Variants in HMGCLL1 observed in about 807,000 individuals in gnomAD.
HMGCLL1 encodes the protein 3-hydroxy-3-methylglutaryl-CoA lyase like 1.
A neutral mutation model predicts 39.1 loss-of-function variants in HMGCLL1; 36 were observed. That is an observed-to-expected ratio of 0.92 (90% CI 0.71 to 1.22). HMGCLL1 has a LOEUF of 1.22. Among genes scored for constraint, HMGCLL1 ranks in the 50% most tolerant of loss-of-function variants. The pLI, the probability that HMGCLL1 is intolerant of heterozygous loss-of-function variation, is 0.00. For synonymous variants in HMGCLL1, 149 were observed against 144.0 expected (o/e 1.03, Z -0.25); for missense variants, 451 against 416.5 (o/e 1.08, Z -0.72).
At chr6:55,572,474 T>G (rs1002997295) in intron 1 of HMGCLL1, among the ~76,000 whole-genome samples, 3 of 152,210 alleles carry the variant, frequency 2.0e-5, no homozygotes, top group African/African-American at 7.2e-5. Context: ...TTGGACATAA[T>G]ATTACTTTTA....
chr6:55,675,200 CT>C, the HMGCLL1 span, among the ~76,000 whole-genome samples: 2 of 152,018 alleles, frequency 1.3e-5, no homozygotes, highest in African/African-American at 2.4e-5. Flanking sequence ...GCTGAAAATC[CT>C]ATTCACCAGA....
At chr6:55,640,612 T>C in the HMGCLL1 span, among the ~76,000 whole-genome samples, 1 of 151,912 alleles carries the variant, frequency 6.6e-6, no homozygotes, top group East Asian at 1.9e-4. Flanking sequence ...AGAGTGATAT[T>C]TGAGAAAAGA....
chr6:55,604,950 T>A, the HMGCLL1 span, among the ~76,000 whole-genome samples: 1 of 152,228 alleles, frequency 6.6e-6, no homozygotes, highest in South Asian at 2.1e-4. Flanking sequence ...TAGCTGAAGA[T>A]GATATAAGTG....
intron 1 of HMGCLL1, among the ~76,000 whole-genome samples, chr6:55,542,559 C>A (rs1365184469): frequency 2.0e-5 from 3 of 151,812 alleles, no homozygotes; most frequent in African/African-American, 7.2e-5. Context: ...GTGGGAGGAT[C>A]ATGAGGTCAG....
chr6:55,435,639 G>T lies in HMGCLL1; in HGVS notation c.*23C>A, dbSNP rs368717913. ...TGTAGCTGAAATTGATCTTCTCAAC[G>T]GTACGTCATAAATCCATTCAAGTCA... On this transcript the variant is annotated 3_prime_UTR_variant, in exon 9 of 9. Transcript: ENST00000274901. 7.4e-7 allele frequency: 1 copy of T among 1,351,074 alleles called. No individual in the cohort carries two copies. 83.7% of individuals were successfully genotyped at this position (1,351,074 alleles called of 1,614,324 possible).
At chr6:55,525,032 TA>T (rs1768245113) in intron 3 of HMGCLL1, among the ~76,000 whole-genome samples, 1 of 150,750 alleles carries the variant, frequency 6.6e-6, no homozygotes, top group African/African-American at 2.4e-5. Flanking sequence ...TCAAACAGAG[TA>T]AAAATTGAGG....
At chr6:55,536,105 A>G (rs1469129971) in intron 3 of HMGCLL1, among the ~76,000 whole-genome samples, 5 of 152,176 alleles carry the variant, frequency 3.3e-5, no homozygotes, top group East Asian at 1.9e-4. Flanking sequence ...CCAAAAGGAG[A>G]GTAGGGGTAA....
At chr6:55,650,367 C>T in the HMGCLL1 span, among the ~76,000 whole-genome samples, 1 of 151,584 alleles carries the variant, frequency 6.6e-6, no homozygotes, top group African/African-American at 2.4e-5. Context: ...GTCCCCAAGC[C>T]TAACACTGTG....
chr6:55,662,721 T>C, the HMGCLL1 span, among the ~76,000 whole-genome samples: 1 of 151,876 alleles, frequency 6.6e-6, no homozygotes, highest in Admixed American at 6.6e-5. Flanking sequence ...GAGTCCCTCC[T>C]CCTCAGTTTT....
chr6:55,448,533 T>C (rs1252674720), intron 7 of HMGCLL1, among the ~76,000 whole-genome samples: 3 of 152,074 alleles, frequency 2.0e-5, no homozygotes, highest in Non-Finnish European at 4.4e-5. Flanking sequence ...AAGGTCTATC[T>C]ACTTTTTTTC....
At chr6:55,648,286 G>A in the HMGCLL1 span, among the ~76,000 whole-genome samples, 1 of 151,332 alleles carries the variant, frequency 6.6e-6, no homozygotes, top group Non-Finnish European at 1.5e-5. Context: ...TATATACCCA[G>A]TACATCACAA....
At chr6:55,543,581 T>C (rs934477443) in intron 1 of HMGCLL1, among the ~76,000 whole-genome samples, 3 of 99,178 alleles carry the variant, frequency 3.0e-5, no homozygotes, top group African/African-American at 6.8e-5. Flanking sequence ...TATATTTATA[T>C]ATTTATATAT....
intron 7 of HMGCLL1, among the ~76,000 whole-genome samples, chr6:55,484,382 A>T (rs1385130517): frequency 6.6e-6 from 1 of 151,982 alleles, no homozygotes; most frequent in Non-Finnish European, 1.5e-5. Flanking sequence ...CCCATTTATC[A>T]TCTTGTACAG....
chr6:55,509,326 A>G (rs9296786), intron 5 of HMGCLL1, among the ~76,000 whole-genome samples: 103,638 of 151,642 alleles, frequency 0.68, 35,435 homozygotes, highest in Non-Finnish European at 0.7. Context: ...TCCAATGGAA[A>G]GGATTTGATG....
intron 3 of HMGCLL1, among the ~76,000 whole-genome samples, chr6:55,520,723 C>G (rs1052165885): frequency 3.3e-5 from 5 of 151,984 alleles, no homozygotes; most frequent in Admixed American, 2.6e-4. Flanking sequence ...TTTAAGAAAG[C>G]CTTTCTACAT....
the HMGCLL1 span, among the ~76,000 whole-genome samples, chr6:55,666,211 C>T: frequency 0.41 from 61,762 of 151,486 alleles, 13,213 homozygotes; most frequent in Middle Eastern, 0.56. Flanking sequence ...CCAGCATGAT[C>T]CAGCCATGCA....
chr6:55,524,057 C>T (rs145841458), intron 3 of HMGCLL1, among the ~76,000 whole-genome samples: 96 of 151,946 alleles, frequency 6.3e-4, no homozygotes, highest in East Asian at 2.7e-3. Flanking sequence ...ACTATATCTG[C>T]GTACAAATTT....
intron 7 of HMGCLL1, among the ~76,000 whole-genome samples, chr6:55,443,872 G>A (rs1333275831): frequency 6.6e-6 from 1 of 151,962 alleles, no homozygotes; most frequent in East Asian, 1.9e-4. Context: ...AAGGTTGCTT[G>A]AAAAAAGTCA....
At chr6:55,527,770 C>A (rs531900968) in intron 3 of HMGCLL1, among the ~76,000 whole-genome samples, 1 of 151,932 alleles carries the variant, frequency 6.6e-6, no homozygotes, top group South Asian at 2.1e-4. Flanking sequence ...CTGATAAAAA[C>A]TAAAGTTTGG....
Sources: gnomAD v4.1 joint callset for allele counts (sites outside exome capture counted in the v4.1 genomes callset) on GRCh38, gnomAD v4.1.1 for gene constraint, MANE v1.5 for transcripts, NCBI Gene and HGNC (gene_info 2026-07-23, HGNC 2026-07-21) for gene names.